Variants in GPC5 observed in about 807,000 individuals in gnomAD.
GPC5 encodes glypican 5.
Under a neutral mutation model 53.9 loss-of-function variants are expected in GPC5, and 47 were observed. The observed-to-expected ratio is 0.87, with a 90% CI of 0.69 to 1.11. GPC5 has a LOEUF of 1.11. Ranked by LOEUF, GPC5 falls within the 50% of genes most tolerant of loss-of-function variation. The pLI, the probability that GPC5 is intolerant of heterozygous loss-of-function variation, is 0.00. For missense variants in GPC5, 748 were observed against 713.1 expected, an observed-to-expected ratio of 1.05 and a Z score of -0.56; for synonymous variants, 286 against 263.3, an observed-to-expected ratio of 1.09 and a Z score of -0.84.
chr13:92,549,639 G>A (rs1882238664), intron 7 of GPC5, among the ~76,000 whole-genome samples: 1 of 151,988 alleles, frequency 6.6e-6, no homozygotes, highest in African/African-American at 2.4e-5. Flanking sequence ...CTCAACAAAT[G>A]AGAATAATGC....
At chr13:92,749,391 C>A (rs1283513972) in intron 7 of GPC5, among the ~76,000 whole-genome samples, 4 of 151,728 alleles carry the variant, frequency 2.6e-5, no homozygotes, top group African/African-American at 7.3e-5. Flanking sequence ...TCACTATATA[C>A]AATAAACTTT....
intron 5 of GPC5, among the ~76,000 whole-genome samples, chr13:91,816,686 A>T (rs1018319532): frequency 3.3e-5 from 5 of 152,216 alleles, no homozygotes; most frequent in Admixed American, 2.0e-4. Flanking sequence ...TGAAAGCTAC[A>T]TAGAAGACGC....
intron 7 of GPC5, among the ~76,000 whole-genome samples, chr13:92,462,771 C>G (rs1375893714): frequency 6.8e-6 from 1 of 147,718 alleles, no homozygotes; most frequent in Non-Finnish European, 1.5e-5. Flanking sequence ...GGCTGGAGTG[C>G]AGTGGCATGA....
At chr13:92,251,025 C>T (rs2042688896) in intron 7 of GPC5, among the ~76,000 whole-genome samples, 1 of 152,130 alleles carries the variant, frequency 6.6e-6, no homozygotes, top group South Asian at 2.1e-4. Flanking sequence ...AAGGATTCTA[C>T]ATAGTCCCTG....
At chr13:92,175,488 C>T (rs1241899811) in intron 7 of GPC5, among the ~76,000 whole-genome samples, 1 of 152,122 alleles carries the variant, frequency 6.6e-6, no homozygotes, top group African/African-American at 2.4e-5. Context: ...CACTGTGATG[C>T]CTACTGCTGT....
At chr13:91,437,924 T>C (rs1211650470) in intron 1 of GPC5, among the ~76,000 whole-genome samples, 1 of 152,250 alleles carries the variant, frequency 6.6e-6, no homozygotes, top group East Asian at 1.9e-4. Context: ...TGATCTTCCA[T>C]CACTGGTACC....
intron 7 of GPC5, among the ~76,000 whole-genome samples, chr13:92,422,478 C>T (rs968975529): frequency 3.3e-4 from 47 of 143,294 alleles, no homozygotes; most frequent in African/African-American, 1.2e-3. Context: ...AAGCACCACC[C>T]ATCACCATCT....
At chr13:92,159,679 T>A (rs1266526884) in intron 7 of GPC5, among the ~76,000 whole-genome samples, 2 of 136,198 alleles carry the variant, frequency 1.5e-5, no homozygotes, top group African/African-American at 5.4e-5. Context: ...CTCAGTTCAC[T>A]GCAAGCTCCG....
chr13:92,341,403 AT>A (rs1321226725), intron 7 of GPC5, among the ~76,000 whole-genome samples: 1 of 152,068 alleles, frequency 6.6e-6, no homozygotes, highest in African/African-American at 2.4e-5. Context: ...AGACACAAAG[AT>A]TTTTTTAAAT....
At chr13:91,421,768 T>G (rs1878652445) in intron 1 of GPC5, among the ~76,000 whole-genome samples, 1 of 152,208 alleles carries the variant, frequency 6.6e-6, no homozygotes. Context: ...CTCAGAATTA[T>G]AGAAGCCTGT....
At chr13:92,384,629 T>C (rs897836773) in intron 7 of GPC5, among the ~76,000 whole-genome samples, 1 of 152,110 alleles carries the variant, frequency 6.6e-6, no homozygotes, top group South Asian at 2.1e-4. Flanking sequence ...AATTCCAGAA[T>C]GTAAACCTTG....
intron 7 of GPC5, among the ~76,000 whole-genome samples, chr13:92,280,740 T>C (rs1167132406): frequency 6.6e-6 from 1 of 152,108 alleles, no homozygotes; most frequent in African/African-American, 2.4e-5. Flanking sequence ...AGTATTCTTA[T>C]AAGAAAATAT....
At chr13:91,437,179 C>T (rs1880047580) in intron 1 of GPC5, among the ~76,000 whole-genome samples, 1 of 152,098 alleles carries the variant, frequency 6.6e-6, no homozygotes, top group Admixed American at 6.6e-5. Context: ...AGCATTTAGC[C>T]CATTTACATT....
At chr13:91,993,999 G>A (rs953726445) in intron 6 of GPC5, among the ~76,000 whole-genome samples, 11 of 152,162 alleles carry the variant, frequency 7.2e-5, no homozygotes, top group African/African-American at 2.4e-4. Flanking sequence ...AATCCCAAAA[G>A]CAATTTTATA....
At chr13:92,096,427 A>G (rs7986709) in intron 6 of GPC5, among the ~76,000 whole-genome samples, 77,961 of 152,060 alleles carry the variant, frequency 0.51, 20,385 homozygotes, top group East Asian at 0.79. Flanking sequence ...GCTATTTGTG[A>G]TTGGCAGCAT....
chr13:91,608,775 A>C (rs963624407), intron 2 of GPC5, among the ~76,000 whole-genome samples: 6 of 152,030 alleles, frequency 3.9e-5, no homozygotes, highest in African/African-American at 9.7e-5. Flanking sequence ...AATTATATTT[A>C]GTTTTGTGTA....
intron 5 of GPC5, among the ~76,000 whole-genome samples, chr13:91,866,792 G>A (rs1300852935): frequency 6.6e-6 from 1 of 152,094 alleles, no homozygotes; most frequent in Non-Finnish European, 1.5e-5. Flanking sequence ...CCCACTTATT[G>A]CGGTTGCCTT....
intron 5 of GPC5, among the ~76,000 whole-genome samples, chr13:91,864,886 G>A (rs1406559280): frequency 6.7e-6 from 1 of 149,362 alleles, no homozygotes; most frequent in Non-Finnish European, 1.5e-5. Flanking sequence ...ATTTGTTTTT[G>A]TCTTAATTTT....
At chr13:91,711,274 TA>T (rs988818057) in intron 3 of GPC5, among the ~76,000 whole-genome samples, 2 of 151,728 alleles carry the variant, frequency 1.3e-5, no homozygotes, top group Non-Finnish European at 2.9e-5. Context: ...ACTATGCAGC[TA>T]AAAAAAAGGA....
Sources: allele counts gnomAD v4.1 joint callset (sites outside exome capture counted in the v4.1 genomes callset), GRCh38; gene constraint gnomAD v4.1.1; transcripts MANE v1.5; gene names NCBI Gene and HGNC (gene_info 2026-07-23, HGNC 2026-07-21).